The following RHPN2 variants were observed in gnomAD, a reference collection of about 807,000 sequenced individuals.
RHPN2 encodes rhophilin Rho GTPase binding protein 2, also known as rhophilin-2.
Under a neutral mutation model 79.0 loss-of-function variants are expected in RHPN2, and 40 were observed. That is an observed-to-expected ratio of 0.51 (90% CI 0.39 to 0.66). The LOEUF (loss-of-function observed/expected upper bound fraction) is 0.66. Among genes scored for constraint, RHPN2 ranks in the 30% least tolerant of loss-of-function variants. RHPN2 has a pLI of 0.00. For missense variants in RHPN2, 686 were observed against 883.5 expected (o/e 0.78, Z 2.83); for synonymous variants, 285 against 363.5 (o/e 0.78, Z 2.46).
intron 1 of RHPN2, among the ~76,000 whole-genome samples, chr19:33,057,203 C>G (rs1320940890): frequency 6.6e-6 from 1 of 150,776 alleles, no homozygotes; most frequent in African/African-American, 2.4e-5. Context: ...ATTAGCCAGG[C>G]TTTGTGGCTC....
rs910828007 is a variant in RHPN2 at position 32,991,269 on chromosome 19, A to G, written c.1644+554T>C. The G allele has an allele frequency of 2.1e-5, 4 of 193,160 alleles. No individual in the cohort carries two copies. In the Admixed American group the frequency reaches 2.1e-4, roughly 10 times the overall value. The allele number at this position is 193,160 out of a possible 1,614,324, so 12.0% of individuals were successfully genotyped here. A position where few individuals can be genotyped will look rare whatever the true frequency, so the allele number is the denominator to read the frequency against. On this transcript the variant is annotated intron_variant, in intron 13 of 14. Coordinates refer to ENST00000254260, the MANE Select transcript of RHPN2 (RefSeq NM_033103.5). Reference sequence around the variant, plus strand: ...TCAGGAGATCGAAACCATCCTGGCTAACACAGTGAAACCCCGTCTCTACTA... The same window carrying G: ...TCAGGAGATCGAAACCATCCTGGCTGACACAGTGAAACCCCGTCTCTACTA...
At chr19:33,022,336 G>T (rs781158630) in intron 3 of RHPN2, among the ~76,000 whole-genome samples, 1 of 152,140 alleles carries the variant, frequency 6.6e-6, no homozygotes, top group Non-Finnish European at 1.5e-5. Flanking sequence ...CCACCTGGGT[G>T]CACCACCCTG....
chr19:33,057,695 G>GAAAA (rs71176188), intron 1 of RHPN2, among the ~76,000 whole-genome samples: 1 of 141,758 alleles, frequency 7.1e-6, no homozygotes, highest in Non-Finnish European at 1.5e-5. Flanking sequence ...AAAAAAGATA[G>GAAAA]AAAAAAAAAA....
chr19:32,999,908 T>C (rs1354446948), intron 9 of RHPN2, among the ~76,000 whole-genome samples: 1 of 152,118 alleles, frequency 6.6e-6, no homozygotes, highest in Non-Finnish European at 1.5e-5. Context: ...TCTCACTCTG[T>C]TACCAGGCTG....
intron 12 of RHPN2, among the ~76,000 whole-genome samples, chr19:32,992,692 T>G (rs990236701): frequency 6.6e-6 from 1 of 151,134 alleles, no homozygotes; most frequent in Non-Finnish European, 1.5e-5. Context: ...ACGCCAATGC[T>G]CCCATCTACT....
chr19:33,037,126 C>G (rs958169672), intron 2 of RHPN2, among the ~76,000 whole-genome samples: 78 of 152,292 alleles, frequency 5.1e-4, no homozygotes, highest in African/African-American at 1.8e-3. Context: ...ATACACCGAT[C>G]GGCACTCTGT....
At chr19:32,989,531 T>C (rs1429747935) in intron 14 of RHPN2, among the ~76,000 whole-genome samples, 2 of 152,242 alleles carry the variant, frequency 1.3e-5, no homozygotes, top group Non-Finnish European at 1.5e-5. Context: ...TGTCTTAACT[T>C]TCACAGGTTG....
In RHPN2 at chr19:32,999,798, T is replaced by C. The variant is rs1280751475; in HGVS notation, c.1106-93A>G. The C allele has an allele frequency of 4.6e-6, 7 of 1,528,174 alleles. No individual in the cohort carries two copies. In the East Asian group the frequency reaches 1.7e-4, roughly 38 times the overall value. 94.7% of individuals were successfully genotyped at this position (1,528,174 alleles called of 1,614,324 possible). ...CTACCATGTCTCCAGCTTCCTTTTT[T>C]CTGCAGTTTCACAAGGCATTTGGGA... is the stretch of plus-strand genomic sequence containing the variant. On this transcript the variant is annotated intron_variant, in intron 9 of 14. Coordinates refer to ENST00000254260, the MANE Select transcript of RHPN2 (RefSeq NM_033103.5).
At chr19:33,045,198 C>T (rs1302697318) in intron 1 of RHPN2, among the ~76,000 whole-genome samples, 2 of 151,640 alleles carry the variant, frequency 1.3e-5, no homozygotes, top group Non-Finnish European at 2.9e-5. Flanking sequence ...ACTACAGGTG[C>T]ATGTCACCAT....
At chr19:33,045,841 C>T (rs1484218618) in intron 1 of RHPN2, among the ~76,000 whole-genome samples, 2 of 152,326 alleles carry the variant, frequency 1.3e-5, no homozygotes, top group Non-Finnish European at 2.9e-5. Flanking sequence ...AGCATCGCTC[C>T]TCATTTCCTT....
chr19:33,061,524 C>T (rs1972280493), intron 1 of RHPN2, among the ~76,000 whole-genome samples: 1 of 150,604 alleles, frequency 6.6e-6, no homozygotes. Context: ...CACTCTGTTG[C>T]CCAGGCTGGA....
intron 14 of RHPN2, among the ~76,000 whole-genome samples, chr19:32,984,781 G>A (rs143252798): frequency 8.2e-4 from 125 of 152,152 alleles, no homozygotes; most frequent in Non-Finnish European, 1.5e-3. Flanking sequence ...GTTAGACCTC[G>A]TCACCACAAA....
chr19:33,024,997 C>G (rs1971954603), intron 3 of RHPN2, among the ~76,000 whole-genome samples: 2 of 152,224 alleles, frequency 1.3e-5, no homozygotes, highest in South Asian at 2.1e-4. Flanking sequence ...AGCGATCCCC[C>G]ACCTCAGCCT....
intron 14 of RHPN2, among the ~76,000 whole-genome samples, chr19:32,986,040 C>G (rs1190423848): frequency 1.3e-5 from 2 of 152,300 alleles, no homozygotes; most frequent in South Asian, 2.1e-4. Context: ...TGAAATGTAG[C>G]TCCTGTTTGG....
chr19:32,990,153 G>GAAAGAAAGAAAT (rs1300340753), intron 14 of RHPN2, among the ~76,000 whole-genome samples: 2 of 151,202 alleles, frequency 1.3e-5, no homozygotes, highest in African/African-American at 4.9e-5. Flanking sequence ...AAGAAAGAAA[G>GAAAGAAAGAAAT]AAAGAAAGAA....
intron 2 of RHPN2, among the ~76,000 whole-genome samples, chr19:33,029,187 A>G (rs989312525): frequency 6.6e-6 from 1 of 151,448 alleles, no homozygotes; most frequent in Admixed American, 6.6e-5. Context: ...ATAGTCATCA[A>G]GATAGCATGG....
chr19:33,029,070 G>A (rs1286273971), intron 2 of RHPN2, among the ~76,000 whole-genome samples: 1 of 152,006 alleles, frequency 6.6e-6, no homozygotes, highest in East Asian at 1.9e-4. Flanking sequence ...AACCCGGAAG[G>A]CAGAGGTTGC....
Position 33,002,400 on chromosome 19 carries a change from C to T in RHPN2, c.952G>A (p.Gly318Arg), listed in dbSNP as rs752461489. The T allele has an allele frequency of 1.2e-6, 2 of 1,613,802 alleles. No individual in the cohort carries two copies. The highest frequency in any genetic ancestry group is 1.7e-6 in the Non-Finnish European group (2 of 1,179,858). ...VKVAQEAAKV[G>R]EVYQQLHAAM... ...GCGTGTAGCTGTTGGTAGACCTCTC[C>T]CACCTGAAATAGAAGGGACACTGGG... is the stretch of plus-strand genomic sequence containing the variant. Residue 318 changes from glycine (G) to arginine (R), a missense_variant, in exon 9 of 15, where the codon GGA becomes AGA. Coordinates refer to ENST00000254260, the MANE Select transcript of RHPN2 (RefSeq NM_033103.5).
intron 9 of RHPN2, among the ~76,000 whole-genome samples, chr19:33,000,568 A>G (rs1971741275): frequency 1.3e-5 from 2 of 151,874 alleles, no homozygotes; most frequent in South Asian, 4.1e-4. Flanking sequence ...CTCACCCACC[A>G]CACAGAACCT....
Sources: allele counts gnomAD v4.1 joint callset (sites outside exome capture counted in the v4.1 genomes callset), GRCh38; gene constraint gnomAD v4.1.1; transcripts MANE v1.5; gene names NCBI Gene and HGNC (gene_info 2026-07-23, HGNC 2026-07-21).